Variants in ADGRG6 observed in about 807,000 individuals in gnomAD.
ADGRG6 encodes adhesion G protein-coupled receptor G6.
A neutral mutation model predicts 142.4 loss-of-function variants in ADGRG6; 84 were observed. The ratio of observed to expected loss-of-function variants is 0.59; its 90% CI spans 0.49 to 0.71. The LOEUF (loss-of-function observed/expected upper bound fraction) is 0.71, where lower values mean the gene tolerates loss of function less well. Among genes scored for constraint, ADGRG6 ranks in the 30% least tolerant of loss-of-function variants. ADGRG6 has a pLI of 0.00. For synonymous variants in ADGRG6, 521 were observed against 520.5 expected (o/e 1.00, Z -0.01); for missense variants, 1,367 against 1,466.6 (o/e 0.93, Z 1.11).
chr6:142,383,959 T>G (rs2114939264), intron 6 of ADGRG6, 116 bp downstream of exon 6: 1 of 624,768 alleles, frequency 1.6e-6, no homozygotes, highest in East Asian at 2.7e-5. Flanking sequence ...AATTGGTACA[T>G]TTGTAGGTTT....
chr6:142,416,848 A>C (rs920608080), intron 20 of ADGRG6, among the ~76,000 whole-genome samples: 2 of 152,128 alleles, frequency 1.3e-5, no homozygotes, highest in African/African-American at 2.4e-5. Flanking sequence ...CTTTTCCTCC[A>C]CTTTTTCTAA....
At position 142,347,495 on chromosome 6, in the gene ADGRG6, C is replaced by G. The variant is rs74874483; in HGVS notation, c.104-20074C>G. 1.5e-4 allele frequency among the ~76,000 whole-genome samples: 23 copies of G among 152,130 alleles called. No individual in the cohort carries two copies. The East Asian group carries it at 4.4e-3, about 29-fold the overall frequency. On this transcript the variant is annotated intron_variant, in intron 2 of 24. Transcript: ENST00000367609. ...TGTGAATTAGAAGACTGAGATGAAT[C>G]CAGTGTTTAATCTCATCAAACCAAA...
rs919345596 is a variant in ADGRG6, at chr6:142,423,001, T to C, written c.3319+2897T>C. Among the ~76,000 whole-genome samples the C allele has an allele frequency of 5.8e-4, 88 of 152,228 alleles. 1 individual carries two copies. Among genetic ancestry groups the C allele is most frequent in the African/African-American group, 2.0e-3 (85 of 41,512 alleles). On this transcript the variant is annotated intron_variant, in intron 22 of 24. Transcript: ENST00000367609. ...TCTGTTCATGTCCTTCGCCCAGTTT[T>C]TGATGGGGTTGTTTGTTTTTTTCTT...
rs188344212 is a variant in ADGRG6 at position 142,305,727 on chromosome 6, T to C, written c.2+3396T>C. ...TTATGTGTAGTCATTCTTGTGTACC[T>C]ATGTATGTAATTCTTAAGGCTGAGT... On this transcript the variant is annotated intron_variant, in intron 1 of 24. Transcript: ENST00000367609. Among the ~76,000 whole-genome samples the C allele has an allele frequency of 9.0e-3, 1,377 of 152,262 alleles. 25 individuals are homozygous for C. Among genetic ancestry groups the C allele is most frequent in the African/African-American group, 0.032 (1,317 of 41,552 alleles).
At chr6:142,355,876 GTTATAA>G (rs1480901189) in intron 2 of ADGRG6, among the ~76,000 whole-genome samples, 10 of 152,164 alleles carry the variant, frequency 6.6e-5, no homozygotes, top group South Asian at 4.1e-4. Flanking sequence ...GTCCTGGAAA[GTTATAA>G]TTATAAAGTT....
At chr6:142,428,919 G>A (rs748317552) in intron 22 of ADGRG6, among the ~76,000 whole-genome samples, 4 of 152,112 alleles carry the variant, frequency 2.6e-5, no homozygotes, top group Non-Finnish European at 4.4e-5. Context: ...AAAGATAAGT[G>A]TACCTTCTCT....
chr6:142,376,234 C>G (rs1045278988), intron 4 of ADGRG6, among the ~76,000 whole-genome samples: 1 of 152,040 alleles, frequency 6.6e-6, no homozygotes, highest in Non-Finnish European at 1.5e-5. Context: ...GGCTGATGTC[C>G]GTCAATTTTC....
At chr6:142,432,576 C>T (rs1777263330) in intron 22 of ADGRG6, among the ~76,000 whole-genome samples, 1 of 151,992 alleles carries the variant, frequency 6.6e-6, no homozygotes, top group Non-Finnish European at 1.5e-5. Flanking sequence ...CCAGTGTTTC[C>T]AAAAATTATT....
At chr6:142,395,232 A>C (rs1222618447) in intron 9 of ADGRG6, among the ~76,000 whole-genome samples, 1 of 152,128 alleles carries the variant, frequency 6.6e-6, no homozygotes, top group Non-Finnish European at 1.5e-5. Context: ...TGATATGAAA[A>C]CACAGTAGTA....
chr6:142,384,853 CATAGAT>C (rs1257774545), intron 6 of ADGRG6, among the ~76,000 whole-genome samples: 1 of 151,908 alleles, frequency 6.6e-6, no homozygotes, highest in African/African-American at 2.4e-5. Context: ...TTACATGAAA[CATAGAT>C]ATAAATTTCA....
At chr6:142,347,104 T>A (rs1246020194) in intron 2 of ADGRG6, among the ~76,000 whole-genome samples, 1 of 152,186 alleles carries the variant, frequency 6.6e-6, no homozygotes, top group Admixed American at 6.5e-5. Flanking sequence ...TGTTTATATA[T>A]GTATGGATGT....
intron 2 of ADGRG6, among the ~76,000 whole-genome samples, chr6:142,331,253 C>T (rs578241943): frequency 6.6e-6 from 1 of 152,226 alleles, no homozygotes; most frequent in African/African-American, 2.4e-5. Flanking sequence ...AGATATGCTG[C>T]CTCTTTTTTT....
rs977070350 is a variant in ADGRG6, at chr6:142,419,987, C to T, written c.3202C>T (p.Arg1068Cys). The T allele has an allele frequency of 9.9e-6, 16 of 1,613,332 alleles. No individual in the cohort carries two copies. Among genetic ancestry groups the T allele is most frequent in the African/African-American group, 1.3e-5 (1 of 74,870 alleles). ...GAGAGAAGAAGTGTTAAGGAACCTG[C>T]GCAGTGTGGTTAGCTTGACCTTTCT... Reference protein sequence around the residue: ...TLREEVLRNLRSVVSLTFLLG... With the variant: ...TLREEVLRNLCSVVSLTFLLG... The change falls in exon 22 of 25, where the codon CGC (arginine) becomes TGC (cysteine). Residue 1068 changes from arginine (R) to cysteine (C), a missense_variant. Arg to Cys is a radical substitution (Grantham distance 180, BLOSUM62 -3). Coordinates refer to ENST00000367609, the MANE Select transcript of ADGRG6 (RefSeq NM_198569.3).
At chr6:142,315,811 A>G (rs995262770) in intron 2 of ADGRG6, among the ~76,000 whole-genome samples, 2 of 148,626 alleles carry the variant, frequency 1.3e-5, no homozygotes, top group Admixed American at 6.8e-5. Flanking sequence ...AGCCTGGGCA[A>G]CTACATCTCA....
chr6:142,305,292 A>G (rs1441970521), intron 1 of ADGRG6, among the ~76,000 whole-genome samples: 1 of 152,106 alleles, frequency 6.6e-6, no homozygotes, highest in African/African-American at 2.4e-5. Context: ...AATCTACAGG[A>G]CGTTTTCAAA....
intron 2 of ADGRG6, among the ~76,000 whole-genome samples, chr6:142,314,030 T>G (rs1217603252): frequency 6.6e-6 from 1 of 152,328 alleles, no homozygotes; most frequent in Non-Finnish European, 1.5e-5. Context: ...TGCTCCAAAT[T>G]ACTGTCTGAA....
At chr6:142,315,124 G>A (rs908038722) in intron 2 of ADGRG6, among the ~76,000 whole-genome samples, 5 of 152,062 alleles carry the variant, frequency 3.3e-5, no homozygotes, top group South Asian at 4.1e-4. Flanking sequence ...GAGGTTGGGC[G>A]GGTAACTTTC....
intron 22 of ADGRG6, among the ~76,000 whole-genome samples, chr6:142,434,563 C>T (rs1350456767): frequency 6.6e-6 from 1 of 152,064 alleles, no homozygotes; most frequent in Non-Finnish European, 1.5e-5. Context: ...CCTCATGATC[C>T]ACCTGCCTTG....
intron 2 of ADGRG6, among the ~76,000 whole-genome samples, chr6:142,336,241 T>C (rs1427688281): frequency 1.3e-5 from 2 of 152,220 alleles, no homozygotes; most frequent in African/African-American, 4.8e-5. Context: ...TGATTGTTGC[T>C]ATTTTTCTTC....
Sources: allele counts gnomAD v4.1 joint callset (sites outside exome capture counted in the v4.1 genomes callset), GRCh38; gene constraint gnomAD v4.1.1; transcripts MANE v1.5; gene names NCBI Gene and HGNC (gene_info 2026-07-23, HGNC 2026-07-21).